PIGM: variants seen among roughly 807,000 people sequenced by gnomAD.
The protein encoded by PIGM is phosphatidylinositol glycan anchor biosynthesis class M, also known as GPI alpha-1,4-mannosyltransferase I, catalytic subunit.
PIGM carries 7 observed loss-of-function variants against 14.6 expected under a neutral mutation model. The observed-to-expected ratio is 0.48, with a 90% CI of 0.27 to 0.90. The LOEUF (loss-of-function observed/expected upper bound fraction) is 0.90, where lower values mean the gene tolerates loss of function less well. Among genes scored for constraint, PIGM ranks in the 40% least tolerant of loss-of-function variants. The pLI is 0.12. For synonymous variants in PIGM, 216 were observed against 215.9 expected (o/e 1.00, Z 0.00); for missense variants, 506 against 516.2 (o/e 0.98, Z 0.19).
Position 160,027,242 on chromosome 1 carries a change from G to A in PIGM, c.*3226C>T, listed in dbSNP as rs1557962469. On this transcript the variant is annotated 3_prime_UTR_variant, in exon 1 of 1. Transcript: ENST00000368090. ...TCATAGTACAGATGGTTAGGGGAGA[G>A]GGTGGTAATGCAGAAAACAACTGAT... The A allele has an allele frequency of 6.6e-6, 1 of 152,158 alleles. No homozygotes were observed. The allele number at this position is 152,158 out of a possible 1,614,324, so 9.4% of individuals were successfully genotyped here. A position where few individuals can be genotyped will look rare whatever the true frequency, so the allele number is the denominator to read the frequency against.
In PIGM at chr1:160,031,089, C is replaced by T; in HGVS notation, c.651G>A (p.Glu217=). 1 of 1,614,120 alleles carries T rather than the reference C, an allele frequency of 6.2e-7. No individual in the cohort carries two copies. The highest frequency in any genetic ancestry group is 8.5e-7 in the Non-Finnish European group (1 of 1,180,014). The change falls in exon 1 of 1, where the codon GAG becomes GAA. Residue 217 remains glutamate, a synonymous_variant. Transcript: ENST00000368090. ...FRYTFQACLY[E]LLKRLCNRAV... ...CCCGATTACACAGCCTTTTCAGGAG[C>T]TCGTACAAACAAGCCTGGAAAGTGT...
rs995933756 is a variant in PIGM at position 160,026,985 on chromosome 1, C to CTTTT, written c.*3479_*3482dup. ...TCCCACTTCAGCTTCCCAAGTAGCA[C>CTTTT]TTTTTTTTTTGTACAGATGGGGGTC... On this transcript the variant is annotated 3_prime_UTR_variant, in exon 1 of 1. Coordinates refer to ENST00000368090, the MANE Select transcript of PIGM (RefSeq NM_145167.3). 1 of 148,680 alleles carries CTTTT rather than the reference C, an allele frequency of 6.7e-6. No homozygotes were observed. Among genetic ancestry groups the CTTTT allele is most frequent in the African/African-American group, 2.5e-5 (1 of 40,562 alleles). The allele number at this position is 148,680 out of a possible 1,614,324, so 9.2% of individuals were successfully genotyped here.
In PIGM at chr1:160,031,807, G is replaced by C; in HGVS notation, c.-68C>G. On this transcript the variant is annotated 5_prime_UTR_variant, in exon 1 of 1. Transcript: ENST00000368090. ...CCTTCGTACTTCTAACCTTCCCTTC[G>C]GTTCTTTGCAGCAGGTGGCCGCCGC... 1 of 1,594,122 alleles carries C rather than the reference G, an allele frequency of 6.3e-7. No individual in the cohort carries two copies. Among genetic ancestry groups the C allele is most frequent in the South Asian group, 1.1e-5 (1 of 90,282 alleles).
chr1:160,031,767 C>A lies in PIGM; in HGVS notation c.-28G>T. On this transcript the variant is annotated 5_prime_UTR_variant, in exon 1 of 1. Transcript: ENST00000368090. ...TCTGACCGTGCGACAGCTGCTTAGC[C>A]CCAGCTCCAAACTGCCTTCGTACTT... 2 of 1,613,572 alleles carry A rather than the reference C, an allele frequency of 1.2e-6. No homozygotes were observed. The highest frequency in any genetic ancestry group is 8.5e-7 in the Non-Finnish European group (1 of 1,179,884).
Position 160,030,835 on chromosome 1 carries a change from A to G in PIGM, c.905T>C (p.Leu302Pro), listed in dbSNP as rs748153584. The change falls in exon 1 of 1, where the codon CTT becomes CCT. Residue 302 changes from leucine (L) to proline (P), a missense_variant. Leu to Pro is a moderately conservative substitution (Grantham distance 98). Transcript: ENST00000368090. ...IAAFLPQLIL[L>P]SAVSFAYYRD... ...GTAATAGGCGAAAGACACAGCTGAA[A>G]GCAAGATGAGCTGTGGCAGGAATGC... 1.2e-6 allele frequency: 2 copies of G among 1,614,248 alleles called. No individual in the cohort carries two copies.
In PIGM at chr1:160,031,494, C is replaced by T; in HGVS notation, c.246G>A (p.Trp82Ter). ...ATYRYTPLLG[W>*]LLTPNIYLSE... ...TGAGGTAGATGTTGGGAGTGAGGAGCCAACCCAGCAGCGGGGTGTAACGGT... is the reference window on the plus strand; with the variant it reads ...TGAGGTAGATGTTGGGAGTGAGGAGTCAACCCAGCAGCGGGGTGTAACGGT... The change falls in exon 1 of 1, where the codon TGG becomes TGA. Residue 82 changes from tryptophan (W) to a stop codon, truncating the protein, a stop_gained. Coordinates refer to ENST00000368090, the MANE Select transcript of PIGM (RefSeq NM_145167.3). LOFTEE classifies it low-confidence loss of function (END_TRUNC). 6.2e-7 allele frequency: 1 copy of T among 1,614,150 alleles called. No individual in the cohort carries two copies. The highest frequency in any genetic ancestry group is 8.5e-7 in the Non-Finnish European group (1 of 1,179,988).
Position 160,029,752 on chromosome 1 carries a change from T to C in PIGM, c.*716A>G, listed in dbSNP as rs981533699. 6 of 150,808 alleles carry C rather than the reference T, an allele frequency of 4.0e-5. No homozygotes were observed. The highest frequency in any genetic ancestry group is 8.8e-5 in the Non-Finnish European group (6 of 67,916). 9.3% of individuals were successfully genotyped at this position (150,808 alleles called of 1,614,324 possible). ...AAGCATCTTAGTATTATTTAATACT[T>C]TTCTATCTAAAAAGTTGTCCTTTCC... On this transcript the variant is annotated 3_prime_UTR_variant, in exon 1 of 1. Transcript: ENST00000368090.
In PIGM at chr1:160,029,424, T is replaced by A. The variant is rs955309413; in HGVS notation, c.*1044A>T. ...TTTTTTTTTTTTTTTTGATATGGAG[T>A]CTTGCTCTGTCGCCCAGGCTGGAGC... On this transcript the variant is annotated 3_prime_UTR_variant, in exon 1 of 1. Transcript: ENST00000368090. The A allele has an allele frequency of 7.7e-6, 1 of 130,026 alleles. No individual in the cohort carries two copies. Among genetic ancestry groups the A allele is most frequent in the Non-Finnish European group, 1.6e-5 (1 of 63,828 alleles). 8.1% of individuals were successfully genotyped at this position (130,026 alleles called of 1,614,324 possible). A position where few individuals can be genotyped will look rare whatever the true frequency, so the allele number is the denominator to read the frequency against.
chr1:160,031,731 G>T lies in PIGM; in HGVS notation c.9C>A (p.Ser3=). MG[S]TKHWGEWLLN... ...GGAGCCATTCGCCCCAGTGCTTGGT[G>T]GAGCCCATGATCTGACCGTGCGACA... The change falls in exon 1 of 1, where the codon TCC becomes TCA. Residue 3 remains serine, a synonymous_variant. Transcript: ENST00000368090. 1 of 1,614,158 alleles carries T rather than the reference G, an allele frequency of 6.2e-7. No individual in the cohort carries two copies. Among genetic ancestry groups the T allele is most frequent in the Non-Finnish European group, 8.5e-7 (1 of 1,180,030 alleles).
chr1:160,028,809 T>C lies in PIGM; in HGVS notation c.*1659A>G, dbSNP rs901946309. The C allele has an allele frequency of 6.6e-6, 1 of 151,994 alleles. No individual in the cohort carries two copies. Among genetic ancestry groups the C allele is most frequent in the Admixed American group, 6.6e-5 (1 of 15,266 alleles). The allele number at this position is 151,994 out of a possible 1,614,324, so 9.4% of individuals were successfully genotyped here. On this transcript the variant is annotated 3_prime_UTR_variant, in exon 1 of 1. Transcript: ENST00000368090. ...TTAATTAAAAAAAAAAATGTAAGGA[T>C]GCTTGTTTAAACAACTCAGAAAGCA... is the stretch of plus-strand genomic sequence containing the variant.
Position 160,025,752 on chromosome 1 carries a change from G to A in PIGM, c.*4716C>T, listed in dbSNP as rs1177933792. The stretch of plus-strand genomic sequence containing the variant: ...GAGCAGTATGCATCTGCTGGGTTTG[G>A]GTACTCTGGAAAAATCCAAAACATA... On this transcript the variant is annotated 3_prime_UTR_variant, in exon 1 of 1. Coordinates refer to ENST00000368090, the MANE Select transcript of PIGM (RefSeq NM_145167.3). The A allele has an allele frequency of 6.6e-6, 1 of 152,110 alleles. No homozygotes were observed. The highest frequency in any genetic ancestry group is 1.5e-5 in the Non-Finnish European group (1 of 68,028). The allele number at this position is 152,110 out of a possible 1,614,324, so 9.4% of individuals were successfully genotyped here. A position where few individuals can be genotyped will look rare whatever the true frequency, so the allele number is the denominator to read the frequency against.
rs1279600066 is a variant in PIGM, at chr1:160,027,631, G to A, written c.*2837C>T. The A allele has an allele frequency of 6.6e-6, 1 of 151,130 alleles. No homozygotes were observed. The highest frequency in any genetic ancestry group is 1.5e-5 in the Non-Finnish European group (1 of 67,842). 9.4% of individuals were successfully genotyped at this position (151,130 alleles called of 1,614,324 possible). Reference sequence around the variant, plus strand: ...AATGAACATATCAATCTTAAGAGGTGGTATAAGAAAAAAAGAATTATATAG... The same window carrying A: ...AATGAACATATCAATCTTAAGAGGTAGTATAAGAAAAAAAGAATTATATAG... On this transcript the variant is annotated 3_prime_UTR_variant, in exon 1 of 1. Transcript: ENST00000368090.
Position 160,031,416 on chromosome 1 carries a change from G to C in PIGM, c.324C>G (p.Phe108Leu). 4 of 1,610,582 alleles carry C rather than the reference G, an allele frequency of 2.5e-6. No individual in the cohort carries two copies. The highest frequency in any genetic ancestry group is 1.7e-6 in the Non-Finnish European group (2 of 1,177,078). Residue 108 changes from phenylalanine to leucine, a missense_variant, in exon 1 of 1, where the codon TTC becomes TTG. Physicochemically the swap from Phe to Leu is conservative, Grantham distance 22. Coordinates refer to ENST00000368090, the MANE Select transcript of PIGM (RefSeq NM_145167.3). The part of the protein sequence containing the change: ...LFISCDLLTA[F>L]LLYRLLLLKG... ...TCAGCAGCAGCAGGCGGTATAAGAG[G>C]AAAGCGGTGAGGAGGTCGCAGCTGA...
In PIGM at chr1:160,031,370, C is replaced by T. The variant is rs781373477; in HGVS notation, c.370G>A (p.Ala124Thr). 6.2e-6 allele frequency: 10 copies of T among 1,606,864 alleles called. No individual in the cohort carries two copies. The highest frequency in any genetic ancestry group is 8.5e-6 in the Non-Finnish European group (10 of 1,174,944). The change falls in exon 1 of 1, where the codon GCT (alanine) becomes ACT (threonine). Residue 124 changes from alanine to threonine, a missense_variant. By Grantham distance (58) the Ala-to-Thr change is moderately conservative. Transcript: ENST00000368090. ...AGCCAAAAGACACAGTAGCCACAAG[C>T]CTGGCGGCGCCCCAGCCCCTTCAGC... ...LLLKGLGRRQACGYCVFWLLN... is the reference protein window; with the variant it reads ...LLLKGLGRRQTCGYCVFWLLN...
At position 160,028,525 on chromosome 1, in the gene PIGM, AG is replaced by A. The variant is rs1245600394; in HGVS notation, c.*1942del. 1 of 152,202 alleles carries A rather than the reference AG, an allele frequency of 6.6e-6. No homozygotes were observed. The highest frequency in any genetic ancestry group is 1.9e-4 in the East Asian group (1 of 5,204). 9.4% of individuals were successfully genotyped at this position (152,202 alleles called of 1,614,324 possible). A position where few individuals can be genotyped will look rare whatever the true frequency, so the allele number is the denominator to read the frequency against. On this transcript the variant is annotated 3_prime_UTR_variant, in exon 1 of 1. Coordinates refer to ENST00000368090, the MANE Select transcript of PIGM (RefSeq NM_145167.3). ...CCTCTTTCTAATGAAAGGTCCCAAA[AG>A]GTATCCATCCAAGAAGTGCTGCCAA...
chr1:160,030,527 T>A lies in PIGM; in HGVS notation c.1213A>T (p.Ile405Phe), dbSNP rs775546764. 2 of 1,613,896 alleles carry A rather than the reference T, an allele frequency of 1.2e-6. No individual in the cohort carries two copies. Among genetic ancestry groups the A allele is most frequent in the Non-Finnish European group, 1.7e-6 (2 of 1,179,768 alleles). The change falls in exon 1 of 1, where the codon ATT (isoleucine) becomes TTT (phenylalanine). Residue 405 changes from isoleucine (I) to phenylalanine (F), a missense_variant. Coordinates refer to ENST00000368090, the MANE Select transcript of PIGM (RefSeq NM_145167.3). ...FFLLINCSIL[I>F]QIISHYKEEP... ...TCTTTGTAATGGGAAATAATTTGAA[T>A]CAGGATGGAACAATTGATAAGAAGA... is the stretch of plus-strand genomic sequence containing the variant.
chr1:160,030,093 GTTAAGACACAGC>G lies in PIGM; in HGVS notation c.*363_*374del. 2 of 219,480 alleles carry G rather than the reference GTTAAGACACAGC, an allele frequency of 9.1e-6. No homozygotes were observed. Among genetic ancestry groups the G allele is most frequent in the South Asian group, 1.4e-4 (2 of 14,542 alleles). The allele number at this position is 219,480 out of a possible 1,614,324, so 13.6% of individuals were successfully genotyped here. On this transcript the variant is annotated 3_prime_UTR_variant, in exon 1 of 1. Coordinates refer to ENST00000368090, the MANE Select transcript of PIGM (RefSeq NM_145167.3). The stretch of plus-strand genomic sequence containing the variant: ...TAGAAAGAAAAGATGGGTGTTAAAA[GTTAAGACACAGC>G]TTAAGACAGAAGCATTGTAAAACAG...
rs1000620831 is a variant in PIGM at position 160,025,838 on chromosome 1, T to G, written c.*4630A>C. The G allele has an allele frequency of 2.0e-5, 3 of 152,230 alleles. No individual in the cohort carries two copies. The highest frequency in any genetic ancestry group is 4.4e-5 in the Non-Finnish European group (3 of 68,044). 9.4% of individuals were successfully genotyped at this position (152,230 alleles called of 1,614,324 possible). A position where few individuals can be genotyped will look rare whatever the true frequency, so the allele number is the denominator to read the frequency against. On this transcript the variant is annotated 3_prime_UTR_variant, in exon 1 of 1. Coordinates refer to ENST00000368090, the MANE Select transcript of PIGM (RefSeq NM_145167.3). The stretch of plus-strand genomic sequence containing the variant: ...TAGCAAGTTGTTTAATCTTTGAGCC[T>G]CTTCGTTCATCTATAAATTTAGAAT...
rs1648282687 is a variant in PIGM, at chr1:160,029,943, TCTA to T, written c.*522_*524del. The stretch of plus-strand genomic sequence containing the variant: ...GTCTCACCATCTTGCCCCAGGTGGG[TCTA>T]GAACTCCTGAACTCAAGCGACCCTC... On this transcript the variant is annotated 3_prime_UTR_variant, in exon 1 of 1. Transcript: ENST00000368090. 1 of 153,102 alleles carries T rather than the reference TCTA, an allele frequency of 6.5e-6. No homozygotes were observed. The highest frequency in any genetic ancestry group is 1.4e-5 in the Non-Finnish European group (1 of 71,032). 9.5% of individuals were successfully genotyped at this position (153,102 alleles called of 1,614,324 possible).
Sources: allele counts gnomAD v4.1 joint callset, GRCh38; gene constraint gnomAD v4.1.1; transcripts MANE v1.5; gene names NCBI Gene and HGNC (gene_info 2026-07-23, HGNC 2026-07-21).